EYS: variants seen among roughly 807,000 people sequenced by gnomAD.
The protein encoded by EYS is EGF-like photoreceptor maintenance factor.
In EYS, 250 loss-of-function variants were observed where a neutral mutation model predicts 282.1. The observed-to-expected ratio is 0.89, with a 90% CI of 0.80 to 0.98. The LOEUF (loss-of-function observed/expected upper bound fraction) is 0.98, where lower values mean the gene tolerates loss of function less well. EYS is among the 50% of genes least tolerant of loss of function. The probability of loss-of-function intolerance (pLI) is 0.00; values close to 1 mark genes in which losing one functional copy is unlikely to be tolerated. For synonymous variants in EYS, 1,355 were observed against 1,282.9 expected (o/e 1.06, Z -1.20); for missense variants, 4,016 against 3,709.0 (o/e 1.08, Z -2.15).
intron 31 of EYS, among the ~76,000 whole-genome samples, chr6:64,128,444 C>T (rs1773856524): frequency 6.6e-6 from 1 of 152,088 alleles, no homozygotes; most frequent in African/African-American, 2.4e-5. Flanking sequence ...AAGGAAGATA[C>T]TATCCCTCAG....
intron 19 of EYS, among the ~76,000 whole-genome samples, chr6:64,852,743 A>G (rs1272726634): frequency 6.6e-6 from 1 of 152,130 alleles, no homozygotes. Context: ...TGGGAGCAAC[A>G]ATTAAAGTAA....
intron 12 of EYS, among the ~76,000 whole-genome samples, chr6:65,213,292 C>A (rs976008492): frequency 6.6e-6 from 1 of 152,124 alleles, no homozygotes; most frequent in African/African-American, 2.4e-5. Context: ...TGAATCCCAG[C>A]GGTGACCTTC....
chr6:64,804,495 T>C (rs978184008), intron 22 of EYS, among the ~76,000 whole-genome samples: 1 of 152,296 alleles, frequency 6.6e-6, no homozygotes, highest in Admixed American at 6.5e-5. Context: ...CAAACTATCA[T>C]AAATCCATAA....
intron 26 of EYS, among the ~76,000 whole-genome samples, chr6:64,512,774 C>T (rs1344582657): frequency 1.3e-5 from 2 of 151,872 alleles, no homozygotes; most frequent in African/African-American, 2.4e-5. Context: ...ATGCAAAGAG[C>T]TTAAATTTAC....
At chr6:65,337,929 T>A (rs1481940774) in intron 10 of EYS, among the ~76,000 whole-genome samples, 1 of 151,074 alleles carries the variant, frequency 6.6e-6, no homozygotes, top group Non-Finnish European at 1.5e-5. Context: ...TTACTTCATA[T>A]AACTATGTGC....
chr6:64,459,564 G>A (rs1049323040), intron 26 of EYS, among the ~76,000 whole-genome samples: 2 of 152,186 alleles, frequency 1.3e-5, no homozygotes, highest in African/African-American at 4.8e-5. Context: ...AAGTAGGGAA[G>A]CCGACAGTGC....
intron 30 of EYS, among the ~76,000 whole-genome samples, chr6:64,259,281 A>G (rs1012004226): frequency 2.6e-5 from 4 of 152,030 alleles, no homozygotes; most frequent in African/African-American, 9.7e-5. Context: ...TTAGGACCAA[A>G]ACAGCTGTAA....
rs1387922880 is a variant in EYS, at chr6:64,896,546, T to G, written c.2846+5567A>C. Reference sequence around the variant, plus strand: ...ATTGAGCTAGCTGCAGGAGTTGTTGTTTTTTTTTTTTTTTTTTCGTATCCC... The same window carrying G: ...ATTGAGCTAGCTGCAGGAGTTGTTGGTTTTTTTTTTTTTTTTTCGTATCCC... On this transcript the variant is annotated intron_variant, in intron 18 of 42. Coordinates refer to ENST00000503581, the MANE Select transcript of EYS (RefSeq NM_001142800.2). 1.3e-4 allele frequency among the ~76,000 whole-genome samples: 10 copies of G among 76,170 alleles called. No homozygotes were observed. The East Asian group carries it at 2.9e-3, about 22-fold the overall frequency. The allele number at this position is 76,170 out of a possible 152,430, so 50.0% of individuals were successfully genotyped here.
intron 19 of EYS, among the ~76,000 whole-genome samples, chr6:64,870,137 C>T (rs1766546686): frequency 6.6e-6 from 1 of 151,484 alleles, no homozygotes; most frequent in Non-Finnish European, 1.5e-5. Context: ...TTTCTTTACA[C>T]AAGATGAGTA....
rs548467080 is a variant in EYS, at chr6:64,048,822, G to A, written c.6725+17516C>T. Among the ~76,000 whole-genome samples the A allele has an allele frequency of 7.9e-5, 12 of 151,426 alleles. No homozygotes were observed. The South Asian group carries it at 1.5e-3, about 19-fold the overall frequency. On this transcript the variant is annotated intron_variant, in intron 33 of 42. Coordinates refer to ENST00000503581, the MANE Select transcript of EYS (RefSeq NM_001142800.2). ...AACCACAGATTTTTTTCCACCCACCGTGACCTGTCATATGTAGCTCCACTA... is the reference window on the plus strand; with the variant it reads ...AACCACAGATTTTTTTCCACCCACCATGACCTGTCATATGTAGCTCCACTA...
chr6:64,022,960 C>A (rs1769261937), intron 33 of EYS, among the ~76,000 whole-genome samples: 2 of 152,152 alleles, frequency 1.3e-5, no homozygotes, highest in African/African-American at 4.8e-5. Flanking sequence ...AGAGATTTGT[C>A]TTTAATTTTT....
At chr6:65,401,779 C>T (rs1311683227) in intron 7 of EYS, among the ~76,000 whole-genome samples, 2 of 151,800 alleles carry the variant, frequency 1.3e-5, no homozygotes, top group African/African-American at 4.8e-5. Context: ...TAATTTTCTG[C>T]CTTTATGAAT....
intron 12 of EYS, among the ~76,000 whole-genome samples, chr6:65,250,659 T>C (rs2150282703): frequency 6.6e-6 from 1 of 151,980 alleles, no homozygotes; most frequent in East Asian, 1.9e-4. Context: ...CTCAAGGAGA[T>C]AAAATGACAT....
chr6:65,051,648 T>C (rs982002783), intron 13 of EYS, among the ~76,000 whole-genome samples: 2 of 151,542 alleles, frequency 1.3e-5, no homozygotes, highest in Admixed American at 6.6e-5. Flanking sequence ...TTGAATTAAA[T>C]AAATTCTCCT....
chr6:64,811,574 G>GAA (rs1764598009), intron 22 of EYS, among the ~76,000 whole-genome samples: 1 of 152,114 alleles, frequency 6.6e-6, no homozygotes, highest in African/African-American at 2.4e-5. Flanking sequence ...TGTACACAGT[G>GAA]AATAGACCTT....
intron 18 of EYS, among the ~76,000 whole-genome samples, chr6:64,901,284 A>G (rs928803545): frequency 5.5e-5 from 6 of 108,144 alleles, no homozygotes; most frequent in African/African-American, 3.7e-5. Flanking sequence ...AGAAATACCT[A>G]TGTAGTTGAG....
chr6:64,637,915 A>G (rs1768030818), intron 22 of EYS, among the ~76,000 whole-genome samples: 1 of 91,064 alleles, frequency 1.1e-5, no homozygotes, highest in Non-Finnish European at 2.4e-5. Context: ...GGTAAAAAAG[A>G]AAAAAGAAAT....
chr6:64,169,431 G>GTTTTTTTTTTTTTTTTTTTTTTTTTTTT (rs35657029), intron 31 of EYS, among the ~76,000 whole-genome samples: 27 of 140,984 alleles, frequency 1.9e-4, no homozygotes, highest in African/African-American at 7.4e-4. Context: ...TTGAGGAGGA[G>GTTTTTTTTTTTTTTTTTTTTTTTTTTTT]TTTTTTTTTT....
chr6:64,119,854 T>C (rs1414846901), intron 31 of EYS, among the ~76,000 whole-genome samples: 1 of 152,218 alleles, frequency 6.6e-6, no homozygotes. Flanking sequence ...TTATTTTCCA[T>C]GGCATTTTCT....
Sources: allele counts gnomAD v4.1 joint callset (sites outside exome capture counted in the v4.1 genomes callset), GRCh38; gene constraint gnomAD v4.1.1; transcripts MANE v1.5; gene names NCBI Gene and HGNC (gene_info 2026-07-23, HGNC 2026-07-21).